The following JMJD1C variants were observed in gnomAD, a reference collection of about 807,000 sequenced individuals.
The protein encoded by JMJD1C is jumonji domain containing 1C, also known as jumonji domain-containing protein 1C.
In JMJD1C, 31 loss-of-function variants were observed where a neutral mutation model predicts 245.3. That is an observed-to-expected ratio of 0.13 (90% CI 0.09 to 0.17). The LOEUF is 0.17. JMJD1C is among the 10% of genes least tolerant of loss of function. JMJD1C has a pLI of 1.00. For missense variants in JMJD1C, 2,691 were observed against 3,000.2 expected, an observed-to-expected ratio of 0.90 and a Z score of 2.41; for synonymous variants, 1,057 against 1,017.4, an observed-to-expected ratio of 1.04 and a Z score of -0.74.
chr10:63,268,042 A>C (rs1855826051), intron 2 of JMJD1C, among the ~76,000 whole-genome samples: 1 of 152,094 alleles, frequency 6.6e-6, no homozygotes, highest in African/African-American at 2.4e-5. Flanking sequence ...TTCACATTTA[A>C]CAGGAAATTC....
intron 1 of JMJD1C, among the ~76,000 whole-genome samples, chr10:63,490,273 T>C (rs934212322): frequency 6.6e-6 from 1 of 152,146 alleles, no homozygotes; most frequent in African/African-American, 2.4e-5. Context: ...CATTCTCAAT[T>C]TTTAGGCCTC....
intron 3 of JMJD1C, chr10:63,223,132 CAAAA>C (rs57849390): frequency 7.2e-6 from 3 of 414,552 alleles, no homozygotes; most frequent in African/African-American, 6.6e-5. Context: ...AAATTATCTG[CAAAA>C]AAAAAAAACC....
intron 1 of JMJD1C, among the ~76,000 whole-genome samples, chr10:63,435,965 T>C (rs1308056626): frequency 6.6e-6 from 1 of 151,938 alleles, no homozygotes; most frequent in Non-Finnish European, 1.5e-5. Flanking sequence ...ATACCCAATA[T>C]GGTGGAAAGG....
chr10:63,208,129 T>C lies in JMJD1C; in HGVS notation c.3540A>G (p.Arg1180=). The part of the protein sequence containing the change: ...QIASHSVTTF[R]NDCRSPTHLT... ...AATGGGTAGGACTCCTACAATCATT[T>C]CTGAAGGTTGTTACTGAGTGAGATG... The change falls in exon 10 of 26, where the codon AGA becomes AGG. Residue 1180 remains arginine, a synonymous_variant. Coordinates refer to ENST00000399262, the MANE Select transcript of JMJD1C (RefSeq NM_032776.3). 1 of 1,614,208 alleles carries C rather than the reference T, an allele frequency of 6.2e-7. No homozygotes were observed. Among genetic ancestry groups the C allele is most frequent in the Non-Finnish European group, 8.5e-7 (1 of 1,180,014 alleles).
At chr10:63,305,655 T>C (rs948744976) in intron 2 of JMJD1C, among the ~76,000 whole-genome samples, 6 of 128,610 alleles carry the variant, frequency 4.7e-5, no homozygotes, top group African/African-American at 1.5e-4. Flanking sequence ...TGTGTGTGTG[T>C]GTGTGTGTGT....
At chr10:63,364,577 T>C (rs1424966378) in intron 2 of JMJD1C, among the ~76,000 whole-genome samples, 1 of 152,048 alleles carries the variant, frequency 6.6e-6, no homozygotes, top group Non-Finnish European at 1.5e-5. Flanking sequence ...CCTCAAACTC[T>C]TGGGCTCAAG....
At chr10:63,345,518 A>T (rs920810430) in intron 2 of JMJD1C, among the ~76,000 whole-genome samples, 38 of 151,638 alleles carry the variant, frequency 2.5e-4, no homozygotes, top group African/African-American at 7.7e-4. Flanking sequence ...AAAAAAAGGA[A>T]CAAACTACCA....
intron 2 of JMJD1C, among the ~76,000 whole-genome samples, chr10:63,275,790 C>T (rs1336222243): frequency 6.6e-6 from 1 of 152,190 alleles, no homozygotes; most frequent in East Asian, 1.9e-4. Flanking sequence ...GTGAACCCAG[C>T]CAGTTAACTA....
chr10:63,366,318 T>C (rs1945836377), intron 2 of JMJD1C, among the ~76,000 whole-genome samples: 1 of 152,318 alleles, frequency 6.6e-6, no homozygotes, highest in South Asian at 2.1e-4. Flanking sequence ...GCTAATGTTG[T>C]CTATGATACC....
chr10:63,211,046 T>C (rs1054901787), intron 8 of JMJD1C, among the ~76,000 whole-genome samples: 4 of 152,200 alleles, frequency 2.6e-5, no homozygotes, highest in Non-Finnish European at 5.9e-5. Context: ...AAAGGTCATA[T>C]GAAAGTAGAG....
At chr10:63,347,533 A>C (rs1468925420) in intron 2 of JMJD1C, among the ~76,000 whole-genome samples, 1 of 150,728 alleles carries the variant, frequency 6.6e-6, no homozygotes, top group Non-Finnish European at 1.5e-5. Flanking sequence ...GCAGTGAGCC[A>C]AGACTGCGCC....
intron 1 of JMJD1C, among the ~76,000 whole-genome samples, chr10:63,502,149 C>T (rs1260409395): frequency 6.6e-6 from 1 of 152,088 alleles, no homozygotes; most frequent in Non-Finnish European, 1.5e-5. Context: ...GCATGAGAGA[C>T]AATTAAGGTC....
chr10:63,494,525 T>C (rs568067380), intron 1 of JMJD1C, among the ~76,000 whole-genome samples: 3 of 148,850 alleles, frequency 2.0e-5, no homozygotes, highest in Non-Finnish European at 4.4e-5. Flanking sequence ...GTAAAAAAAA[T>C]ATTTTTAAGA....
At chr10:63,296,057 G>GCT (rs1225095143) in intron 2 of JMJD1C, among the ~76,000 whole-genome samples, 4 of 147,090 alleles carry the variant, frequency 2.7e-5, no homozygotes, top group Admixed American at 6.9e-5. Flanking sequence ...TGTTGCCCAG[G>GCT]CTGGAGTGCA....
In JMJD1C at chr10:63,293,111, A is replaced by C. The variant is rs187201789; in HGVS notation, c.334-28347T>G. Reference sequence around the variant, plus strand: ...AACCTAGCCAAGTATTTTCCCCAGGAAGATTACACATTCTAATCCCCATTA... The same window carrying C: ...AACCTAGCCAAGTATTTTCCCCAGGCAGATTACACATTCTAATCCCCATTA... On this transcript the variant is annotated intron_variant, in intron 2 of 25. Coordinates refer to ENST00000399262, the MANE Select transcript of JMJD1C (RefSeq NM_032776.3). Among the ~76,000 whole-genome samples, 22 of 152,302 alleles carry C rather than the reference A, an allele frequency of 1.4e-4. No homozygotes were observed. The East Asian group carries it at 4.2e-3, about 29-fold the overall frequency.
intron 1 of JMJD1C, among the ~76,000 whole-genome samples, chr10:63,462,428 G>A (rs1029692607): frequency 1.3e-5 from 2 of 152,110 alleles, no homozygotes; most frequent in Admixed American, 6.5e-5. Context: ...CCACGGTGTG[G>A]TAAAAAATAA....
chr10:63,238,525 G>T (rs1053570485), intron 3 of JMJD1C, among the ~76,000 whole-genome samples: 1 of 151,974 alleles, frequency 6.6e-6, no homozygotes, highest in Non-Finnish European at 1.5e-5. Flanking sequence ...TGAACATAAG[G>T]TCTTTAAATT....
chr10:63,191,544 A>G (rs924239640), intron 16 of JMJD1C, among the ~76,000 whole-genome samples: 1 of 152,234 alleles, frequency 6.6e-6, no homozygotes, highest in African/African-American at 2.4e-5. Flanking sequence ...TTATTCACCT[A>G]AACACAAACC....
chr10:63,323,000 C>G (rs1258209759), intron 2 of JMJD1C, among the ~76,000 whole-genome samples: 1 of 151,166 alleles, frequency 6.6e-6, no homozygotes, highest in Non-Finnish European at 1.5e-5. Context: ...AAAAATTTAA[C>G]ATATACATAC....
Sources: allele counts gnomAD v4.1 joint callset (sites outside exome capture counted in the v4.1 genomes callset), GRCh38; gene constraint gnomAD v4.1.1; transcripts MANE v1.5; gene names NCBI Gene and HGNC (gene_info 2026-07-23, HGNC 2026-07-21).